CAMK4: variants seen among roughly 807,000 people sequenced by gnomAD.
CAMK4 encodes the protein calcium/calmodulin-dependent protein kinase type IV.
A neutral mutation model predicts 44.9 loss-of-function variants in CAMK4; 22 were observed. The observed-to-expected ratio is 0.49, with a 90% CI of 0.35 to 0.70. The LOEUF is 0.70. CAMK4 is among the 30% of genes least tolerant of loss of function. The pLI, the probability that CAMK4 is intolerant of heterozygous loss-of-function variation, is 0.01. For synonymous variants in CAMK4, 218 were observed against 215.4 expected (o/e 1.01, Z -0.11); for missense variants, 498 against 586.8 (o/e 0.85, Z 1.56).
At chr5:111,359,119 T>C (rs1346751086) in intron 2 of CAMK4, among the ~76,000 whole-genome samples, 2 of 152,226 alleles carry the variant, frequency 1.3e-5, no homozygotes, top group Non-Finnish European at 2.9e-5. Flanking sequence ...AGTTGAATGG[T>C]AGTTCTGTTT....
intron 1 of CAMK4, among the ~76,000 whole-genome samples, chr5:111,247,697 A>G (rs1171101507): frequency 6.6e-6 from 1 of 152,052 alleles, no homozygotes; most frequent in Non-Finnish European, 1.5e-5. Context: ...AGGACTTTCA[A>G]CTGGTTGGAT....
intron 1 of CAMK4, among the ~76,000 whole-genome samples, chr5:111,249,640 AT>A (rs1275625835): frequency 0.015 from 1,774 of 120,036 alleles, 38 homozygotes; most frequent in African/African-American, 0.046. Context: ...ATATATATAT[AT>A]ATATGTGTGT....
chr5:111,412,401 T>C (rs542015625), intron 5 of CAMK4, among the ~76,000 whole-genome samples: 6 of 152,318 alleles, frequency 3.9e-5, no homozygotes, highest in African/African-American at 1.4e-4. Flanking sequence ...AACATCCAGA[T>C]TTACCCTGTT....
At chr5:111,452,416 G>A (rs928370382) in intron 7 of CAMK4, among the ~76,000 whole-genome samples, 3 of 152,138 alleles carry the variant, frequency 2.0e-5, no homozygotes, top group African/African-American at 7.2e-5. Flanking sequence ...TCTGTATTTT[G>A]TAAATATCTT....
At chr5:111,324,174 A>G (rs965374967) in intron 1 of CAMK4, among the ~76,000 whole-genome samples, 2 of 151,970 alleles carry the variant, frequency 1.3e-5, no homozygotes, top group African/African-American at 4.8e-5. Context: ...AAAAAATGAA[A>G]CAATTTTTTA....
At chr5:111,350,609 T>C (rs1750059931) in intron 2 of CAMK4, among the ~76,000 whole-genome samples, 1 of 151,910 alleles carries the variant, frequency 6.6e-6, no homozygotes, top group Admixed American at 6.6e-5. Flanking sequence ...TGGAGCAGTG[T>C]GCCTAGATCT....
intron 1 of CAMK4, among the ~76,000 whole-genome samples, chr5:111,324,560 A>C (rs1748794810): frequency 6.6e-6 from 1 of 152,042 alleles, no homozygotes. Context: ...CTAACAGATA[A>C]GGCAAAAATT....
At chr5:111,276,634 A>G (rs1053602185) in intron 1 of CAMK4, among the ~76,000 whole-genome samples, 2 of 152,138 alleles carry the variant, frequency 1.3e-5, no homozygotes, top group Non-Finnish European at 2.9e-5. Flanking sequence ...CACTTAGGTC[A>G]TGCCTTGTTT....
chr5:111,273,586 C>T (rs181431898), intron 1 of CAMK4, among the ~76,000 whole-genome samples: 64 of 148,866 alleles, frequency 4.3e-4, no homozygotes, highest in Non-Finnish European at 1.2e-4. Flanking sequence ...ACCAAAATTC[C>T]TCTTGACTGC....
intron 5 of CAMK4, among the ~76,000 whole-genome samples, chr5:111,400,680 G>A (rs1752191170): frequency 6.6e-6 from 1 of 151,716 alleles, no homozygotes; most frequent in Non-Finnish European, 1.5e-5. Context: ...AAGTGTGTTT[G>A]AAAGATGTTT....
At chr5:111,253,372 C>T (rs141022347) in intron 1 of CAMK4, among the ~76,000 whole-genome samples, 1 of 152,158 alleles carries the variant, frequency 6.6e-6, no homozygotes, top group Non-Finnish European at 1.5e-5. Flanking sequence ...CCCTGCTTGC[C>T]CCGGAACCTG....
At chr5:111,429,483 A>G (rs1368795451) in intron 5 of CAMK4, among the ~76,000 whole-genome samples, 1 of 151,992 alleles carries the variant, frequency 6.6e-6, no homozygotes, top group Admixed American at 6.6e-5. Flanking sequence ...AATCGAAGCC[A>G]TGGCCAGGTG....
intron 7 of CAMK4, among the ~76,000 whole-genome samples, chr5:111,465,240 A>G (rs778295913): frequency 4.6e-5 from 7 of 152,064 alleles, no homozygotes; most frequent in Non-Finnish European, 8.8e-5. Flanking sequence ...AAATCCCTAC[A>G]TCAAAAAGTC....
At chr5:111,309,695 G>A (rs1166444609) in intron 1 of CAMK4, among the ~76,000 whole-genome samples, 1 of 152,108 alleles carries the variant, frequency 6.6e-6, no homozygotes, top group Non-Finnish European at 1.5e-5. Context: ...TCATGGTAAA[G>A]TGTCCCTCCA....
intron 5 of CAMK4, among the ~76,000 whole-genome samples, chr5:111,441,027 G>A (rs1426451757): frequency 1.3e-5 from 2 of 152,048 alleles, no homozygotes; most frequent in Non-Finnish European, 2.9e-5. Context: ...TGAGAAAACC[G>A]AGGCTTAGAG....
At chr5:111,360,840 A>G (rs894491765) in intron 2 of CAMK4, among the ~76,000 whole-genome samples, 4 of 152,088 alleles carry the variant, frequency 2.6e-5, no homozygotes, top group African/African-American at 4.8e-5. Flanking sequence ...TCTAGAAAGA[A>G]TATATTGCTA....
chr5:111,400,003 A>G (rs909057050), intron 5 of CAMK4, among the ~76,000 whole-genome samples: 1 of 152,222 alleles, frequency 6.6e-6, no homozygotes, highest in African/African-American at 2.4e-5. Context: ...CCAAGAAGGG[A>G]TGTTCCAGAT....
intron 5 of CAMK4, among the ~76,000 whole-genome samples, chr5:111,397,742 A>G (rs1203262577): frequency 6.7e-6 from 1 of 148,394 alleles, no homozygotes; most frequent in Non-Finnish European, 1.5e-5. Flanking sequence ...TTCTAGTTCT[A>G]TCACATACTG....
At chr5:111,352,637 C>CAGAGAGAGAGAGAG (rs70973603) in intron 2 of CAMK4, among the ~76,000 whole-genome samples, 10 of 109,184 alleles carry the variant, frequency 9.2e-5, no homozygotes, top group South Asian at 4.2e-4. Flanking sequence ...GGCAGAATAG[C>CAGAGAGAGAGAGAG]AGAGAGAGAG....
Sources: allele counts gnomAD v4.1 joint callset (sites outside exome capture counted in the v4.1 genomes callset), GRCh38; gene constraint gnomAD v4.1.1; transcripts MANE v1.5; gene names NCBI Gene and HGNC (gene_info 2026-07-23, HGNC 2026-07-21).